KCTD10: variants seen among roughly 807,000 people sequenced by gnomAD.
The protein encoded by KCTD10 is potassium channel tetramerization domain containing 10.
Under a neutral mutation model 34.6 loss-of-function variants are expected in KCTD10, and 13 were observed. That is an observed-to-expected ratio of 0.38 (90% CI 0.24 to 0.60). The LOEUF is 0.60. Ranked by LOEUF, KCTD10 falls within the 20% of genes least tolerant of loss-of-function variation. The pLI is 0.66. For synonymous variants in KCTD10, 156 were observed against 168.8 expected (o/e 0.92, Z 0.59); for missense variants, 256 against 420.3 (o/e 0.61, Z 3.42).
At chr12:109,466,812 CT>C (rs1873616521) in intron 2 of KCTD10, among the ~76,000 whole-genome samples, 1 of 152,266 alleles carries the variant, frequency 6.6e-6, no homozygotes, top group African/African-American at 2.4e-5. Flanking sequence ...CTGAGCTGCA[CT>C]TGGCATTTCT....
At chr12:109,468,756 C>T (rs1409986406) in intron 2 of KCTD10, among the ~76,000 whole-genome samples, 1 of 151,052 alleles carries the variant, frequency 6.6e-6, no homozygotes, top group African/African-American at 2.4e-5. Flanking sequence ...GAGTTCACGT[C>T]ATTCTCCTGC....
intron 1 of KCTD10, among the ~76,000 whole-genome samples, chr12:109,473,971 G>C (rs1444563593): frequency 6.6e-6 from 1 of 152,030 alleles, no homozygotes; most frequent in African/African-American, 2.4e-5. Context: ...AGTAGAGATG[G>C]GGTTTCACCA....
intron 5 of KCTD10, 54 bp downstream of exon 5, chr12:109,457,576 G>C: frequency 6.6e-7 from 1 of 1,511,752 alleles, no homozygotes; most frequent in Admixed American, 1.7e-5. Context: ...CCTGGCTGGT[G>C]TGAGTGGAGG....
At chr12:109,471,297 G>C in intron 1 of KCTD10, 1 of 985,378 alleles carries the variant, frequency 1.0e-6, no homozygotes, top group Non-Finnish European at 1.2e-6. Flanking sequence ...TCAATTCAAG[G>C]TTATCCAACT....
chr12:109,454,301 T>C (rs4766603), intron 6 of KCTD10, among the ~76,000 whole-genome samples: 25,808 of 152,128 alleles, frequency 0.17, 2,243 homozygotes, highest in African/African-American at 0.18. Flanking sequence ...AATGGAAACA[T>C]AGGGAGTCTC....
rs550996756 is a variant in KCTD10, at chr12:109,449,013, C to G, written c.*2582G>C. The stretch of plus-strand genomic sequence containing the variant: ...AGATGGCTTATTTGAAACAAACAAA[C>G]AAAAAAAACCCTTGATTACGACACA... On this transcript the variant is annotated 3_prime_UTR_variant, in exon 7 of 7. Coordinates refer to ENST00000228495, the MANE Select transcript of KCTD10 (RefSeq NM_031954.5). The G allele has an allele frequency of 9.4e-4, 140 of 149,644 alleles. 1 individual carries two copies. The highest frequency in any genetic ancestry group is 3.4e-3 in the African/African-American group (134 of 39,320). 9.3% of individuals were successfully genotyped at this position (149,644 alleles called of 1,614,324 possible). A position where few individuals can be genotyped will look rare whatever the true frequency, so the allele number is the denominator to read the frequency against.
intron 1 of KCTD10, among the ~76,000 whole-genome samples, chr12:109,475,167 C>T (rs766372705): frequency 2.0e-5 from 3 of 152,082 alleles, no homozygotes; most frequent in Non-Finnish European, 1.5e-5. Flanking sequence ...GAATCACCTG[C>T]GTGTGCTTAA....
chr12:109,460,765 C>G lies in KCTD10; in HGVS notation c.258G>C (p.Thr86=), dbSNP rs143408771. The G allele has an allele frequency of 6.2e-7, 1 of 1,614,204 alleles. No homozygotes were observed. The highest frequency in any genetic ancestry group is 1.7e-5 in the Admixed American group (1 of 60,026). Residue 86 remains threonine, a synonymous_variant, in exon 3 of 7, where the codon ACG becomes ACC. Transcript: ENST00000228495. The surrounding 1 kb of genome is among the most constrained non-coding windows in gnomAD (Gnocchi z 4.5). ...CCCCGTCTCGAAGGTAGTTGAGTAT[C>G]GTACCAAAGTGCTTCCCACAGCGGT... ...LIDRCGKHFG[T]ILNYLRDGAV...
rs1873796062 is a variant in KCTD10, at chr12:109,469,806, C to T, written c.4-78G>A. On this transcript the variant is annotated intron_variant, in intron 1 of 6. Coordinates refer to ENST00000228495, the MANE Select transcript of KCTD10 (RefSeq NM_031954.5). ...CAGCCTGTGGATTCAATCTGGCCTC[C>T]AGATGTGTTTTGCTTGGGCCACGCA... The T allele has an allele frequency of 7.0e-6, 11 of 1,576,758 alleles. No individual in the cohort carries two copies. The Admixed American group carries it at 8.7e-5, about 13-fold the overall frequency.
At chr12:109,471,158 G>T (rs1873866987) in intron 1 of KCTD10, 1 of 985,304 alleles carries the variant, frequency 1.0e-6, no homozygotes, top group Admixed American at 6.1e-5. Context: ...AGCTTTTCCA[G>T]ATTTTCTATA....
At chr12:109,459,957 A>G (rs1363190620) in intron 3 of KCTD10, among the ~76,000 whole-genome samples, 1 of 152,244 alleles carries the variant, frequency 6.6e-6, no homozygotes, top group Non-Finnish European at 1.5e-5. Flanking sequence ...ATGCTGCAAC[A>G]TTCAGTTAGG....
chr12:109,460,896 C>T lies in KCTD10; in HGVS notation c.218-91G>A. 6.8e-6 allele frequency: 9 copies of T among 1,318,796 alleles called. No individual in the cohort carries two copies. Among genetic ancestry groups the T allele is most frequent in the Non-Finnish European group, 9.5e-6 (9 of 943,510 alleles). 81.7% of individuals were successfully genotyped at this position (1,318,796 alleles called of 1,614,324 possible). On this transcript the variant is annotated intron_variant, in intron 2 of 6. Coordinates refer to ENST00000228495, the MANE Select transcript of KCTD10 (RefSeq NM_031954.5). This position sits in a 1 kb window ranked among gnomAD's most constrained non-coding sequence, Gnocchi z 4.5. ...CTGGGGTGTCTCTCGGCTCCCTCTA[C>T]CTCCCAGCGGAGAGCGGGACTGCCT... is the stretch of plus-strand genomic sequence containing the variant.
intron 2 of KCTD10, among the ~76,000 whole-genome samples, chr12:109,467,924 C>T (rs1158313779): frequency 2.0e-5 from 3 of 152,186 alleles, no homozygotes; most frequent in African/African-American, 2.4e-5. Flanking sequence ...CGAGGCCTTT[C>T]GAGGAGAAGA....
At chr12:109,466,987 G>C (rs11066737) in intron 2 of KCTD10, among the ~76,000 whole-genome samples, 2 of 152,146 alleles carry the variant, frequency 1.3e-5, no homozygotes, top group African/African-American at 4.8e-5. Context: ...TCCAAGGACC[G>C]ACAGGATCGC....
rs1872701404 is a variant in KCTD10 at position 109,450,241 on chromosome 12, C to G, written c.*1354G>C. 2.5e-6 allele frequency: 1 copy of G among 398,522 alleles called. No homozygotes were observed. Among genetic ancestry groups the G allele is most frequent in the East Asian group, 3.6e-5 (1 of 28,080 alleles). 24.7% of individuals were successfully genotyped at this position (398,522 alleles called of 1,614,324 possible). ...CTACCTAGTCTAGTCTCAACCACCC[C>G]TGTCAGTCACGACTCACTCCTGTTC... On this transcript the variant is annotated 3_prime_UTR_variant, in exon 7 of 7. Coordinates refer to ENST00000228495, the MANE Select transcript of KCTD10 (RefSeq NM_031954.5).
At position 109,451,483 on chromosome 12, in the gene KCTD10, A is replaced by G. The variant is rs1467047090; in HGVS notation, c.*112T>C. ...TAATCATCTGGCTTGTTACAAAAGT[A>G]TCTCCAGGCTCCAAGGGAAGCAGAA... On this transcript the variant is annotated 3_prime_UTR_variant, in exon 7 of 7. Coordinates refer to ENST00000228495, the MANE Select transcript of KCTD10 (RefSeq NM_031954.5). This position sits in a 1 kb window ranked among gnomAD's most constrained non-coding sequence, Gnocchi z 5.0. 4.0e-6 allele frequency: 4 copies of G among 1,000,422 alleles called. No homozygotes were observed. Among genetic ancestry groups the G allele is most frequent in the Non-Finnish European group, 5.8e-6 (4 of 685,198 alleles). The allele number at this position is 1,000,422 out of a possible 1,614,324, so 62.0% of individuals were successfully genotyped here.
chr12:109,475,750 T>C (rs1328240723), intron 1 of KCTD10, among the ~76,000 whole-genome samples: 1 of 152,246 alleles, frequency 6.6e-6, no homozygotes, highest in African/African-American at 2.4e-5. Flanking sequence ...TATTGAGGCT[T>C]GTATAAAACC....
At position 109,450,447 on chromosome 12, in the gene KCTD10, TTATC is replaced by T. The variant is rs1428758991; in HGVS notation, c.*1144_*1147del. 159 of 399,098 alleles carry T rather than the reference TTATC, an allele frequency of 4.0e-4. 1 individual carries two copies. The highest frequency in any genetic ancestry group is 2.8e-3 in the African/African-American group (134 of 48,692). The allele number at this position is 399,098 out of a possible 1,614,324, so 24.7% of individuals were successfully genotyped here. A position where few individuals can be genotyped will look rare whatever the true frequency, so the allele number is the denominator to read the frequency against. On this transcript the variant is annotated 3_prime_UTR_variant, in exon 7 of 7. Transcript: ENST00000228495. ...ACACAGACACAAACCAGACCCAAAG[TTATC>T]TATCTACCCGCACATCCTCAACCTG...
intron 1 of KCTD10, among the ~76,000 whole-genome samples, chr12:109,475,778 T>C (rs1874171029): frequency 6.6e-6 from 1 of 152,200 alleles, no homozygotes; most frequent in Non-Finnish European, 1.5e-5. Flanking sequence ...ACTGAGGGCA[T>C]TTCTACAACT....
Sources: gnomAD v4.1 joint callset for allele counts (sites outside exome capture counted in the v4.1 genomes callset) on GRCh38, gnomAD v4.1.1 for gene constraint, Gnocchi (gnomAD v3.1) non-coding constraint, MANE v1.5 for transcripts, NCBI Gene and HGNC (gene_info 2026-07-23, HGNC 2026-07-21) for gene names.